The following POLQ variants were observed in gnomAD, a reference collection of about 807,000 sequenced individuals.
The protein encoded by POLQ is DNA polymerase theta, also known as epididymis secretory sperm binding protein.
Under a neutral mutation model 259.2 loss-of-function variants are expected in POLQ, and 233 were observed. The ratio of observed to expected loss-of-function variants is 0.90; its 90% CI spans 0.81 to 1.00. The LOEUF (loss-of-function observed/expected upper bound fraction) is 1.00. Ranked by LOEUF, POLQ falls within the 50% of genes least tolerant of loss-of-function variation. The pLI, the probability that POLQ is intolerant of heterozygous loss-of-function variation, is 0.00. For synonymous variants in POLQ, 1,025 were observed against 1,048.8 expected, an observed-to-expected ratio of 0.98 and a Z score of 0.44; for missense variants, 2,871 against 3,051.6, an observed-to-expected ratio of 0.94 and a Z score of 1.39.
chr3:121,504,786 T>C (rs1210491805), intron 12 of POLQ, among the ~76,000 whole-genome samples: 1 of 152,160 alleles, frequency 6.6e-6, no homozygotes, highest in African/African-American at 2.4e-5. Flanking sequence ...ACTAACTTAG[T>C]TTTTTTATTT....
Position 121,545,913 on chromosome 3 carries a change from G to C in POLQ, c.-36C>G. The C allele has an allele frequency of 6.2e-7, 1 of 1,611,510 alleles. No homozygotes were observed. The highest frequency in any genetic ancestry group is 8.5e-7 in the Non-Finnish European group (1 of 1,178,952). Reference sequence around the variant, plus strand: ...TCTCGGCCGATCAGGGCAAGCCACAGTCCCAGCGTCCTCCCTCTCGGGAGA... The same window carrying C: ...TCTCGGCCGATCAGGGCAAGCCACACTCCCAGCGTCCTCCCTCTCGGGAGA... On this transcript the variant is annotated 5_prime_UTR_variant, in exon 1 of 30. Transcript: ENST00000264233.
At chr3:121,495,467 A>G (rs889542896) in intron 14 of POLQ, among the ~76,000 whole-genome samples, 5 of 152,228 alleles carry the variant, frequency 3.3e-5, no homozygotes, top group African/African-American at 4.8e-5. Context: ...ACATTTGTTG[A>G]ATTAAAATTT....
At chr3:121,466,363 C>CAAAAAAA (rs751087085) in intron 24 of POLQ, among the ~76,000 whole-genome samples, 2 of 94,136 alleles carry the variant, frequency 2.1e-5, no homozygotes, top group African/African-American at 4.2e-5. Flanking sequence ...GACTCCGTCT[C>CAAAAAAA]AAAAAAAAAA....
chr3:121,526,506 T>C (rs1424998250), intron 7 of POLQ, among the ~76,000 whole-genome samples: 1 of 152,202 alleles, frequency 6.6e-6, no homozygotes, highest in African/African-American at 2.4e-5. Flanking sequence ...TGTGGCAATT[T>C]TTTTTTCTCA....
At chr3:121,520,136 C>T (rs879020472) in intron 8 of POLQ, 53 bp from the exon 9 acceptor site, 42 of 985,768 alleles carry the variant, frequency 4.3e-5, no homozygotes, top group Middle Eastern at 3.0e-4. Context: ...AAATATTATA[C>T]GTGTTCACTT....
chr3:121,523,891 C>A (rs1314533756), intron 7 of POLQ, among the ~76,000 whole-genome samples: 1 of 151,784 alleles, frequency 6.6e-6, no homozygotes, highest in Non-Finnish European at 1.5e-5. Flanking sequence ...CAGAGAGTTG[C>A]CAATGTTTTA....
chr3:121,494,807 C>T (rs1339238517), intron 14 of POLQ: 1 of 1,499,770 alleles, frequency 6.7e-7, no homozygotes, highest in Admixed American at 1.7e-5. Context: ...GGATGAGACC[C>T]ACCGTCACTG....
At chr3:121,511,797 T>A (rs1264319990) in intron 10 of POLQ, 90 bp downstream of exon 10, 3 of 1,042,382 alleles carry the variant, frequency 2.9e-6, no homozygotes, top group Middle Eastern at 2.4e-4. Flanking sequence ...TTAAAAAAAA[T>A]AAATAAATAA....
chr3:121,467,812 G>A (rs191964064), intron 23 of POLQ, among the ~76,000 whole-genome samples, 172 bp from the exon 24 acceptor site: 2 of 152,338 alleles, frequency 1.3e-5, no homozygotes, highest in South Asian at 2.1e-4. Context: ...AAGCCGAGGC[G>A]AGTAGATTGC....
intron 27 of POLQ, among the ~76,000 whole-genome samples, chr3:121,439,538 G>C (rs1360773788): frequency 6.6e-6 from 1 of 152,152 alleles, no homozygotes; most frequent in Admixed American, 6.5e-5. Context: ...TGGCCAGATA[G>C]TGCTTTTAAA....
chr3:121,494,554 C>A (rs541504980), intron 14 of POLQ: 3 of 1,581,504 alleles, frequency 1.9e-6, no homozygotes, highest in African/African-American at 1.3e-5. Context: ...TGGTGGAGAA[C>A]AAGAAAGCTC....
chr3:121,454,574 G>T (rs1215487457), intron 25 of POLQ, among the ~76,000 whole-genome samples: 5 of 152,048 alleles, frequency 3.3e-5, no homozygotes, highest in Admixed American at 3.3e-4. Context: ...AAAAGCAGGG[G>T]TTGCAATCCT....
At chr3:121,522,361 G>C (rs968626249) in intron 7 of POLQ, among the ~76,000 whole-genome samples, 1 of 76,782 alleles carries the variant, frequency 1.3e-5, no homozygotes, top group Non-Finnish European at 2.6e-5. Context: ...CCGGACTGCG[G>C]ACTGCAGTGG....
intron 16 of POLQ, among the ~76,000 whole-genome samples, chr3:121,486,289 G>A (rs1319855398): frequency 6.6e-5 from 10 of 152,164 alleles, no homozygotes; most frequent in African/African-American, 2.4e-4. Context: ...GGTGGCTCAC[G>A]CCTGTAATCC....
Position 121,533,037 on chromosome 3 carries a change from A to C in POLQ, c.913T>G (p.Ser305Ala), listed in dbSNP as rs61757736. The C allele has an allele frequency of 2.6e-3, 4,231 of 1,613,518 alleles. 9 individuals carry two copies. The highest frequency in any genetic ancestry group is 3.2e-3 in the Non-Finnish European group (3,787 of 1,179,588). The change falls in exon 6 of 30, where the codon TCT becomes GCT. Residue 305 changes from serine to alanine, a missense_variant. Physicochemically the swap from Ser to Ala is moderately conservative, Grantham distance 99. Around this residue, in one of 3 missense-constraint regions of POLQ, gnomAD observed 783 missense variants for 906.2 expected, o/e 0.86. Transcript: ENST00000264233. ...AATTCCCTCACAAGTTTCATTGAAG[A>C]GTCATATATGGAATTTCCAACTTTT... is the stretch of plus-strand genomic sequence containing the variant. ...SVKVGNSIYDSSMKLVREFEP... is the reference protein window; with the variant it reads ...SVKVGNSIYDASMKLVREFEP...
chr3:121,537,047 A>G, intron 5 of POLQ, 53 bp downstream of exon 5: 1 of 873,714 alleles, frequency 1.1e-6, no homozygotes, highest in Non-Finnish European at 1.9e-6. Context: ...TTTTTCAGAC[A>G]CTTCCTCAAC....
chr3:121,463,832 A>G (rs2047813308), intron 24 of POLQ, among the ~76,000 whole-genome samples: 1 of 152,148 alleles, frequency 6.6e-6, no homozygotes, highest in African/African-American at 2.4e-5. Flanking sequence ...ATATATATAA[A>G]AAAGATTTAT....
chr3:121,512,082 T>C (rs115477598), intron 9 of POLQ, 53 bp from the exon 10 acceptor site: 2 of 1,485,830 alleles, frequency 1.3e-6, no homozygotes, highest in African/African-American at 1.4e-5. Flanking sequence ...CCATAAGATA[T>C]CTGCTAAAGA....
At chr3:121,467,790 C>G in intron 23 of POLQ, 150 bp from the exon 24 acceptor site, 1 of 765,484 alleles carries the variant, frequency 1.3e-6, no homozygotes, top group Non-Finnish European at 2.1e-6. Context: ...CCTGTAATAC[C>G]AGCACTTTGG....
Sources: allele counts gnomAD v4.1 joint callset (sites outside exome capture counted in the v4.1 genomes callset), GRCh38; gene constraint gnomAD v4.1.1; regional missense constraint gnomAD v4.1.1; transcripts MANE v1.5; gene names NCBI Gene and HGNC (gene_info 2026-07-23, HGNC 2026-07-21).